Variants in LRRC3B observed in about 807,000 individuals in gnomAD.
LRRC3B encodes leucine-rich repeat-containing protein 3B.
LRRC3B carries 2 observed loss-of-function variants against 12.8 expected under a neutral mutation model. That is an observed-to-expected ratio of 0.16 (90% CI 0.06 to 0.49). The LOEUF (loss-of-function observed/expected upper bound fraction) is 0.49. LRRC3B is among the 20% of genes least tolerant of loss of function. The probability of loss-of-function intolerance (pLI) is 0.96; values close to 1 mark genes in which losing one functional copy is unlikely to be tolerated. For missense variants in LRRC3B, 189 were observed against 319.4 expected, an observed-to-expected ratio of 0.59 and a Z score of 3.11; for synonymous variants, 132 against 122.0, an observed-to-expected ratio of 1.08 and a Z score of -0.54.
chr3:26,692,650 G>C (rs1240321165), intron 1 of LRRC3B, among the ~76,000 whole-genome samples: 1 of 152,174 alleles, frequency 6.6e-6, no homozygotes, highest in Admixed American at 6.6e-5. Context: ...TTAGTTGTTA[G>C]TGTATATGTG....
chr3:26,679,815 A>G (rs1182611873), intron 1 of LRRC3B, among the ~76,000 whole-genome samples: 1 of 152,110 alleles, frequency 6.6e-6, no homozygotes, highest in African/African-American at 2.4e-5. Context: ...AGTCCCTGGC[A>G]TGTAGGAGGC....
chr3:26,695,482 G>A (rs191878121), intron 1 of LRRC3B, among the ~76,000 whole-genome samples: 1,529 of 152,204 alleles, frequency 0.01, 12 homozygotes, highest in Non-Finnish European at 0.017. Context: ...AGCTGAGATC[G>A]CGCCACTGCA....
chr3:26,685,138 A>G (rs940976098), intron 1 of LRRC3B, among the ~76,000 whole-genome samples: 1 of 151,788 alleles, frequency 6.6e-6, no homozygotes, highest in African/African-American at 2.4e-5. Flanking sequence ...TTTCTAGTAG[A>G]GATGGGGTTT....
intron 1 of LRRC3B, among the ~76,000 whole-genome samples, chr3:26,681,351 T>C (rs1559365107): frequency 6.6e-6 from 1 of 152,348 alleles, no homozygotes; most frequent in African/African-American, 2.4e-5. Flanking sequence ...AATATACTTA[T>C]GAGAACATAT....
At chr3:26,644,842 C>T (rs1472028650) in intron 1 of LRRC3B, among the ~76,000 whole-genome samples, 4 of 152,090 alleles carry the variant, frequency 2.6e-5, no homozygotes, top group Non-Finnish European at 5.9e-5. Flanking sequence ...TCAATGTCTA[C>T]AACTAACTCT....
At chr3:26,645,623 T>G (rs1699127152) in intron 1 of LRRC3B, among the ~76,000 whole-genome samples, 1 of 152,132 alleles carries the variant, frequency 6.6e-6, no homozygotes, top group African/African-American at 2.4e-5. Context: ...CTACTATGCT[T>G]CCGGCATTGC....
At chr3:26,624,210 C>T (rs1455616111) in intron 1 of LRRC3B, 1 of 152,348 alleles carries the variant, frequency 6.6e-6, no homozygotes, top group Non-Finnish European at 1.5e-5. Context: ...CAAACCTCCC[C>T]GCGAGAATCT....
At chr3:26,640,363 T>TAAAAC (rs1698998641) in intron 1 of LRRC3B, among the ~76,000 whole-genome samples, 1 of 150,948 alleles carries the variant, frequency 6.6e-6, no homozygotes, top group African/African-American at 2.4e-5. Context: ...GAATCTACTT[T>TAAAAC]AAAATAAAAC....
At position 26,666,971 on chromosome 3, in the gene LRRC3B, A is replaced by T. The variant is rs557405655; in HGVS notation, c.-160-42542A>T. Among the ~76,000 whole-genome samples, 4 of 152,284 alleles carry T rather than the reference A, an allele frequency of 2.6e-5. No homozygotes were observed. In the East Asian group the frequency reaches 7.7e-4, roughly 29 times the overall value. On this transcript the variant is annotated intron_variant, in intron 1 of 1. Transcript: ENST00000396641. ...AGGGATTTTAACTAAAAAGAGCGGT[A>T]TTACTAACAACTAACAACTTTTGCC...
At chr3:26,672,876 C>T (rs777016468) in intron 1 of LRRC3B, among the ~76,000 whole-genome samples, 4 of 152,084 alleles carry the variant, frequency 2.6e-5, no homozygotes, top group African/African-American at 4.8e-5. Context: ...CTTTTTTGAG[C>T]AATAATATTT....
At chr3:26,710,359 G>A in exon 2 of LRRC3B, 2 of 1,614,056 alleles carry the variant, frequency 1.2e-6, no homozygotes, top group Non-Finnish European at 1.7e-6. Flanking sequence ...GGCAAAATCA[G>A]GAGGATGCCC....
chr3:26,701,758 G>C (rs535889593), intron 1 of LRRC3B, among the ~76,000 whole-genome samples: 1 of 152,184 alleles, frequency 6.6e-6, no homozygotes, highest in South Asian at 2.1e-4. Context: ...TCCTTGGGAA[G>C]GTGACATGAT....
At chr3:26,704,052 C>T (rs1430824128) in intron 1 of LRRC3B, among the ~76,000 whole-genome samples, 1 of 151,960 alleles carries the variant, frequency 6.6e-6, no homozygotes. Context: ...CCCTGACAGC[C>T]CCTCAGTTCC....
At chr3:26,704,760 TAATC>T (rs1463090174) in intron 1 of LRRC3B, among the ~76,000 whole-genome samples, 3 of 152,180 alleles carry the variant, frequency 2.0e-5, no homozygotes, top group Non-Finnish European at 4.4e-5. Context: ...TGTATTAAAA[TAATC>T]AACCTTTTGT....
intron 1 of LRRC3B, among the ~76,000 whole-genome samples, chr3:26,691,791 T>C (rs538189681): frequency 1.3e-5 from 2 of 152,044 alleles, no homozygotes; most frequent in South Asian, 4.1e-4. Flanking sequence ...TTTGCAGACA[T>C]AATATTGGGT....
chr3:26,644,005 C>T (rs1279939568), intron 1 of LRRC3B, among the ~76,000 whole-genome samples: 1 of 152,188 alleles, frequency 6.6e-6, no homozygotes, highest in African/African-American at 2.4e-5. Context: ...AAGTATACCA[C>T]TGCGGTGTGA....
At chr3:26,629,940 C>A (rs1575109418) in intron 1 of LRRC3B, among the ~76,000 whole-genome samples, 2 of 102,084 alleles carry the variant, frequency 2.0e-5, no homozygotes, top group Admixed American at 1.3e-4. Flanking sequence ...AAGGTGGGGG[C>A]AGGAGAGAAA....
intron 1 of LRRC3B, among the ~76,000 whole-genome samples, chr3:26,692,507 C>T (rs1019690517): frequency 1.3e-5 from 2 of 152,162 alleles, no homozygotes; most frequent in Non-Finnish European, 2.9e-5. Context: ...TATTGACTGT[C>T]ATGGTCAGCA....
intron 1 of LRRC3B, among the ~76,000 whole-genome samples, chr3:26,629,486 T>A (rs1053946705): frequency 6.6e-6 from 1 of 152,198 alleles, no homozygotes; most frequent in Non-Finnish European, 1.5e-5. Flanking sequence ...ATAATCATTG[T>A]ATAGGCCTGC....
Sources: allele counts gnomAD v4.1 joint callset (sites outside exome capture counted in the v4.1 genomes callset), GRCh38; gene constraint gnomAD v4.1.1; transcripts MANE v1.5; gene names NCBI Gene and HGNC (gene_info 2026-07-23, HGNC 2026-07-21).